Variants in EPHB1 observed in about 807,000 individuals in gnomAD.
The protein encoded by EPHB1 is EPH receptor B1.
In EPHB1, 30 loss-of-function variants were observed where a neutral mutation model predicts 94.4. The observed-to-expected ratio is 0.32, with a 90% CI of 0.24 to 0.43. The LOEUF is 0.43. Among genes scored for constraint, EPHB1 ranks in the 20% least tolerant of loss-of-function variants. The pLI, the probability that EPHB1 is intolerant of heterozygous loss-of-function variation, is 1.00. For missense variants in EPHB1, 1,055 were observed against 1,308.3 expected, an observed-to-expected ratio of 0.81 and a Z score of 2.99; for synonymous variants, 522 against 489.1, an observed-to-expected ratio of 1.07 and a Z score of -0.89.
chr3:135,039,449 C>T (rs547897672), intron 3 of EPHB1, among the ~76,000 whole-genome samples: 6 of 152,322 alleles, frequency 3.9e-5, no homozygotes, highest in Admixed American at 2.0e-4. Context: ...CTTGGGTGGT[C>T]GATGGGACTG....
intron 3 of EPHB1, chr3:135,067,559 G>T (rs1016699157): frequency 6.6e-6 from 1 of 152,244 alleles, no homozygotes; most frequent in Non-Finnish European, 1.5e-5. Flanking sequence ...CTAACAGCAC[G>T]GAGTCAGTTT....
chr3:135,111,651 C>T (rs1198159639), intron 4 of EPHB1, among the ~76,000 whole-genome samples: 2 of 152,006 alleles, frequency 1.3e-5, no homozygotes, highest in Non-Finnish European at 2.9e-5. Context: ...AGAATAATCC[C>T]CACCTGTTCT....
intron 3 of EPHB1, among the ~76,000 whole-genome samples, chr3:135,086,068 T>C (rs928317969): frequency 1.3e-4 from 20 of 152,082 alleles, no homozygotes; most frequent in African/African-American, 4.6e-4. Context: ...CTAACTCCCT[T>C]TCCACAGAAG....
At chr3:135,227,504 G>A (rs1943430311) in intron 12 of EPHB1, among the ~76,000 whole-genome samples, 1 of 152,030 alleles carries the variant, frequency 6.6e-6, no homozygotes, top group Admixed American at 6.5e-5. Context: ...TAGGCTGCTT[G>A]CTTTGTTACT....
intron 3 of EPHB1, among the ~76,000 whole-genome samples, chr3:134,970,417 T>C (rs1426252792): frequency 6.6e-6 from 1 of 152,220 alleles, no homozygotes; most frequent in Non-Finnish European, 1.5e-5. Context: ...TCAGGAACCC[T>C]ACCCTGTCCA....
At chr3:135,230,967 C>T (rs1210623336) in intron 12 of EPHB1, among the ~76,000 whole-genome samples, 1 of 152,144 alleles carries the variant, frequency 6.6e-6, no homozygotes, top group Non-Finnish European at 1.5e-5. Flanking sequence ...TTCGACCCAC[C>T]ATTGATGAGC....
intron 11 of EPHB1, among the ~76,000 whole-genome samples, chr3:135,196,404 G>A (rs990535845): frequency 3.3e-5 from 5 of 152,094 alleles, no homozygotes; most frequent in South Asian, 2.1e-4. Flanking sequence ...AGAGGAGCAC[G>A]GGAAAACAGA....
chr3:134,819,674 A>T (rs1361636831), intron 1 of EPHB1, among the ~76,000 whole-genome samples: 1 of 152,086 alleles, frequency 6.6e-6, no homozygotes, highest in Non-Finnish European at 1.5e-5. Flanking sequence ...TACCCTGCAC[A>T]TCCCTGTGCC....
chr3:134,978,181 T>TG, intron 3 of EPHB1: 1 of 336,072 alleles, frequency 3.0e-6, no homozygotes, highest in Non-Finnish European at 5.8e-6. Context: ...GTCCTATCCA[T>TG]TCCACTGTGG....
chr3:135,168,261 C>G (rs890532635), intron 9 of EPHB1, among the ~76,000 whole-genome samples: 1 of 152,236 alleles, frequency 6.6e-6, no homozygotes, highest in Non-Finnish European at 1.5e-5. Flanking sequence ...TGCACTGGCT[C>G]GAGCACTGCT....
At chr3:134,909,719 G>T (rs1289270139) in intron 1 of EPHB1, among the ~76,000 whole-genome samples, 1 of 152,178 alleles carries the variant, frequency 6.6e-6, no homozygotes, top group Non-Finnish European at 1.5e-5. Flanking sequence ...AAAGGATAGG[G>T]AGTCTTGAGG....
chr3:135,258,071 C>T (rs886566211), intron 15 of EPHB1, among the ~76,000 whole-genome samples: 3 of 152,154 alleles, frequency 2.0e-5, no homozygotes, highest in African/African-American at 7.2e-5. Flanking sequence ...CCTGCTTCGG[C>T]TCGTGCACGC....
intron 11 of EPHB1, among the ~76,000 whole-genome samples, chr3:135,193,075 A>G (rs6776570): frequency 0.47 from 71,651 of 152,012 alleles, 17,748 homozygotes; most frequent in East Asian, 0.63. Flanking sequence ...ATAGAGAGGG[A>G]CAAAGAATGG....
At chr3:135,256,024 G>C (rs1399481850) in intron 15 of EPHB1, among the ~76,000 whole-genome samples, 2 of 151,284 alleles carry the variant, frequency 1.3e-5, no homozygotes, top group African/African-American at 4.9e-5. Context: ...TGTTTTATCA[G>C]AGACTAGGAT....
intron 3 of EPHB1, among the ~76,000 whole-genome samples, chr3:135,063,486 C>T (rs778619128): frequency 1.1e-4 from 16 of 151,920 alleles, no homozygotes; most frequent in African/African-American, 2.2e-4. Flanking sequence ...TTTGATTCTC[C>T]GCTTGGTTGC....
intron 5 of EPHB1, among the ~76,000 whole-genome samples, chr3:135,151,897 AGGTTAT>A (rs1941206122): frequency 6.6e-6 from 1 of 152,250 alleles, no homozygotes; most frequent in African/African-American, 2.4e-5. Context: ...GGAAACCTAA[AGGTTAT>A]ATATAACTGC....
At chr3:135,158,472 A>G (rs1941418995) in intron 6 of EPHB1, among the ~76,000 whole-genome samples, 1 of 152,204 alleles carries the variant, frequency 6.6e-6, no homozygotes. Context: ...TTCCAGTGGA[A>G]CTTTATCAAA....
chr3:134,910,691 T>C (rs2038434218), intron 1 of EPHB1, among the ~76,000 whole-genome samples: 2 of 151,978 alleles, frequency 1.3e-5, no homozygotes, highest in African/African-American at 4.8e-5. Flanking sequence ...ATCTGTGGAG[T>C]CAGAGGGGTA....
At chr3:135,007,950 T>C (rs912111152) in intron 3 of EPHB1, among the ~76,000 whole-genome samples, 7 of 152,190 alleles carry the variant, frequency 4.6e-5, no homozygotes, top group African/African-American at 1.7e-4. Context: ...GAATTATTAC[T>C]AAGGGGATGG....
Sources: gnomAD v4.1 joint callset for allele counts (sites outside exome capture counted in the v4.1 genomes callset) on GRCh38, gnomAD v4.1.1 for gene constraint, MANE v1.5 for transcripts, NCBI Gene and HGNC (gene_info 2026-07-23, HGNC 2026-07-21) for gene names.